Variants in GAD1 observed in about 807,000 individuals in gnomAD.
The protein encoded by GAD1 is 67 kDa glutamic acid decarboxylase.
A neutral mutation model predicts 75.2 loss-of-function variants in GAD1; 35 were observed. The observed-to-expected ratio is 0.47, with a 90% CI of 0.36 to 0.62. The LOEUF (loss-of-function observed/expected upper bound fraction) is 0.62, where lower values mean the gene tolerates loss of function less well. Ranked by LOEUF, GAD1 falls within the 20% of genes least tolerant of loss-of-function variation. The pLI, the probability that GAD1 is intolerant of heterozygous loss-of-function variation, is 0.00. For synonymous variants in GAD1, 257 were observed against 271.9 expected (o/e 0.95, Z 0.54); for missense variants, 490 against 758.5 (o/e 0.65, Z 4.16).
intron 4 of GAD1, among the ~76,000 whole-genome samples, chr2:170,830,296 G>A (rs1048310287): frequency 6.6e-6 from 1 of 152,228 alleles, no homozygotes; most frequent in Non-Finnish European, 1.5e-5. Flanking sequence ...GTGAGCTACA[G>A]AATTGGGCCC....
rs996564657 is a variant in GAD1, at chr2:170,843,592, T to G, written c.639-453T>G. Reference sequence around the variant, plus strand: ...AGACTTTGGCTCTGGCTTTTATATATTCTACAAGTGTGAAACTGGCAGTCA... The same window carrying G: ...AGACTTTGGCTCTGGCTTTTATATAGTCTACAAGTGTGAAACTGGCAGTCA... On this transcript the variant is annotated intron_variant, in intron 6 of 16. Transcript: ENST00000358196. Among the ~76,000 whole-genome samples the G allele has an allele frequency of 3.9e-5, 6 of 151,922 alleles. No homozygotes were observed. In the South Asian group the frequency reaches 1.2e-3, roughly 32 times the overall value.
intron 16 of GAD1, among the ~76,000 whole-genome samples, chr2:170,859,203 A>G (rs941166379): frequency 1.3e-5 from 2 of 152,224 alleles, no homozygotes; most frequent in African/African-American, 4.8e-5. Flanking sequence ...GACATTCTAG[A>G]TTAAACTGTG....
intron 11 of GAD1, among the ~76,000 whole-genome samples, chr2:170,848,496 C>CAAA (rs368907107): frequency 1.6e-4 from 10 of 64,080 alleles, no homozygotes; most frequent in Non-Finnish European, 2.8e-4. Context: ...AACTCTGTCT[C>CAAA]AAAAAAAAAA....
rs1162643446 is a variant in GAD1, at chr2:170,844,113, T to C, written c.707T>C (p.Ile236Thr). The change falls in exon 7 of 17, where the codon ATA becomes ACA. Residue 236 changes from isoleucine (I) to threonine (T), a missense_variant. Physicochemically the swap from Ile to Thr is moderately conservative, Grantham distance 89. This residue lies in a region of GAD1 where 324 missense variants were observed against 523.9 expected (regional missense o/e 0.62). Transcript: ENST00000358196. ...EQITLKKMRE[I>T]VGWSSKDGDG... is the part of the protein sequence containing the mutation. ...ATAACACTTAAGAAGATGAGAGAGA[T>C]AGTTGGATGGTCAAGTAAAGATGGT... 4 of 1,610,380 alleles carry C rather than the reference T, an allele frequency of 2.5e-6. No individual in the cohort carries two copies. The highest frequency in any genetic ancestry group is 4.5e-5 in the East Asian group (2 of 44,832).
chr2:170,827,377 T>C lies in GAD1; in HGVS notation c.146-2098T>C, dbSNP rs151098331. Among the ~76,000 whole-genome samples, 71 of 152,360 alleles carry C rather than the reference T, an allele frequency of 4.7e-4. 1 individual carries two copies. Among genetic ancestry groups the C allele is most frequent in the Non-Finnish European group, 8.1e-4 (55 of 68,030 alleles). The stretch of plus-strand genomic sequence containing the variant: ...GGTCACCAAGAAGCTTAGAACCTTT[T>C]TCCTCTTTTCAGTGTGCTGCATTTT... On this transcript the variant is annotated intron_variant, in intron 3 of 16. Coordinates refer to ENST00000358196, the MANE Select transcript of GAD1 (RefSeq NM_000817.3).
At chr2:170,858,347 A>T (rs1333394504) in intron 15 of GAD1, among the ~76,000 whole-genome samples, 1 of 152,204 alleles carries the variant, frequency 6.6e-6, no homozygotes, top group African/African-American at 2.4e-5. Context: ...AACCCTATTA[A>T]TTGATATATC....
intron 5 of GAD1, among the ~76,000 whole-genome samples, chr2:170,836,111 C>CT (rs767548786): frequency 0.011 from 1,552 of 141,040 alleles, 21 homozygotes; most frequent in African/African-American, 0.033. Context: ...GGTTGTTTTT[C>CT]TTTTTTTTTT....
At position 170,853,443 on chromosome 2, in the gene GAD1, T is replaced by C. The variant is rs1175817582; in HGVS notation, c.1264-430T>C. On this transcript the variant is annotated intron_variant, in intron 13 of 16. Coordinates refer to ENST00000358196, the MANE Select transcript of GAD1 (RefSeq NM_000817.3). This position sits in a 1 kb window ranked among gnomAD's most constrained non-coding sequence, Gnocchi z 4.1. The stretch of plus-strand genomic sequence containing the variant: ...GTCCACTCATATGTGGAATCCATGT[T>C]AATGTCATAGGAGGTCCTGGAAAGG... 2 of 239,382 alleles carry C rather than the reference T, an allele frequency of 8.4e-6. No individual in the cohort carries two copies. Among genetic ancestry groups the C allele is most frequent in the African/African-American group, 4.4e-5 (2 of 45,042 alleles). The allele number at this position is 239,382 out of a possible 1,614,324, so 14.8% of individuals were successfully genotyped here.
In GAD1 at chr2:170,818,741, G is replaced by A; in HGVS notation, c.82+68G>A. The A allele has an allele frequency of 6.8e-7, 1 of 1,476,002 alleles. No homozygotes were observed. The highest frequency in any genetic ancestry group is 1.1e-5 in the South Asian group (1 of 88,470). The allele number at this position is 1,476,002 out of a possible 1,614,324, so 91.4% of individuals were successfully genotyped here. ...GATGGGGGCGCTGGGACGTCGGGAG[G>A]CTGAGCTGGCGGAAAGGGAAGGGGG... is the stretch of plus-strand genomic sequence containing the variant. On this transcript the variant is annotated intron_variant, in intron 2 of 16. Transcript: ENST00000358196. The surrounding 1 kb of genome is among the most constrained non-coding windows in gnomAD (Gnocchi z 5.9).
chr2:170,848,040 C>G (rs1261075446), intron 11 of GAD1, among the ~76,000 whole-genome samples: 1 of 152,178 alleles, frequency 6.6e-6, no homozygotes, highest in Non-Finnish European at 1.5e-5. Context: ...AGAATATGGT[C>G]TCATTGCCTT....
At chr2:170,819,388 G>A (rs1575421621) in intron 2 of GAD1, among the ~76,000 whole-genome samples, 1 of 152,130 alleles carries the variant, frequency 6.6e-6, no homozygotes, top group East Asian at 1.9e-4. Context: ...ATCATAGAGA[G>A]GAGAGAGCAC....
chr2:170,819,284 T>A (rs1288714771), intron 2 of GAD1, among the ~76,000 whole-genome samples: 3 of 111,340 alleles, frequency 2.7e-5, no homozygotes, highest in African/African-American at 9.3e-5. Flanking sequence ...ATTAATTACA[T>A]CTCAGAGAAA....
In GAD1 at chr2:170,818,576, C is replaced by A. The variant is rs1469948914; in HGVS notation, c.-16C>A. 1 of 1,613,562 alleles carries A rather than the reference C, an allele frequency of 6.2e-7. No individual in the cohort carries two copies. Among genetic ancestry groups the A allele is most frequent in the Non-Finnish European group, 8.5e-7 (1 of 1,179,492 alleles). On this transcript the variant is annotated 5_prime_UTR_variant, in exon 2 of 17. Coordinates refer to ENST00000358196, the MANE Select transcript of GAD1 (RefSeq NM_000817.3). This position sits in a 1 kb window ranked among gnomAD's most constrained non-coding sequence, Gnocchi z 5.9. ...CGAGGACTCTGGACAGTAGAGGCCCCGGGACGACCGAGCTGATGGCGTCTT... is the reference window on the plus strand; with the variant it reads ...CGAGGACTCTGGACAGTAGAGGCCCAGGGACGACCGAGCTGATGGCGTCTT...
In GAD1 at chr2:170,857,071, C is replaced by T. The variant is rs1702868117; in HGVS notation, c.1467C>T (p.Tyr489=). Reference sequence around the variant, plus strand: ...ACAAATGCCTGGAACTGGCTGAATACCTCTATGCCAAGATTAAAAACAGAG... The same window carrying T: ...ACAAATGCCTGGAACTGGCTGAATATCTCTATGCCAAGATTAAAAACAGAG... ...QINKCLELAE[Y]LYAKIKNREE... The change falls in exon 15 of 17, where the codon TAC becomes TAT. Residue 489 remains tyrosine (Y), a synonymous_variant. Coordinates refer to ENST00000358196, the MANE Select transcript of GAD1 (RefSeq NM_000817.3). 4.3e-6 allele frequency: 7 copies of T among 1,613,956 alleles called. No homozygotes were observed. The highest frequency in any genetic ancestry group is 1.6e-4 in the Middle Eastern group (1 of 6,062).
chr2:170,816,857 G>A (rs545676026), upstream of GAD1: 533 of 150,710 alleles, frequency 3.5e-3, 3 homozygotes, highest in Non-Finnish European at 5.8e-3. Flanking sequence ...CGCCTACCCC[G>A]GAGCCGTGCA....
intron 7 of GAD1, among the ~76,000 whole-genome samples, chr2:170,844,679 AATT>A (rs1197457452): frequency 1.4e-4 from 22 of 152,314 alleles, no homozygotes; most frequent in African/African-American, 5.3e-4. Flanking sequence ...ATTATTAATT[AATT>A]GATTGATTTC....
chr2:170,833,515 AT>A (rs1176683149), intron 5 of GAD1, among the ~76,000 whole-genome samples: 3 of 152,220 alleles, frequency 2.0e-5, no homozygotes, highest in African/African-American at 7.2e-5. Context: ...AGAATTCCCC[AT>A]GTATGTTTAG....
At chr2:170,851,735 C>A (rs375949342) in intron 12 of GAD1, among the ~76,000 whole-genome samples, 5 of 152,322 alleles carry the variant, frequency 3.3e-5, no homozygotes, top group African/African-American at 9.6e-5. Context: ...CCCATGTTTT[C>A]ATCATCATAC....
chr2:170,832,662 G>GCACACACACACA (rs1275912956), intron 5 of GAD1, among the ~76,000 whole-genome samples: 107 of 128,510 alleles, frequency 8.3e-4, no homozygotes, highest in South Asian at 3.1e-3. Flanking sequence ...GCGCGCGCGC[G>GCACACACACACA]CGCACACACA....
Sources: gnomAD v4.1 joint callset for allele counts (sites outside exome capture counted in the v4.1 genomes callset) on GRCh38, gnomAD v4.1.1 for gene constraint, gnomAD v4.1.1 regional missense constraint, Gnocchi (gnomAD v3.1) non-coding constraint, MANE v1.5 for transcripts, NCBI Gene and HGNC (gene_info 2026-07-23, HGNC 2026-07-21) for gene names.